The following ASB6 variants were observed in gnomAD, a reference collection of about 807,000 sequenced individuals.
The protein encoded by ASB6 is ankyrin repeat and SOCS box protein 6.
Under a neutral mutation model 28.6 loss-of-function variants are expected in ASB6, and 24 were observed. The ratio of observed to expected loss-of-function variants is 0.84; its 90% CI spans 0.61 to 1.18. The LOEUF is 1.18. Among genes scored for constraint, ASB6 ranks in the 50% most tolerant of loss-of-function variants. The pLI, the probability that ASB6 is intolerant of heterozygous loss-of-function variation, is 0.00. For missense variants in ASB6, 519 were observed against 559.8 expected (o/e 0.93, Z 0.74); for synonymous variants, 267 against 243.4 (o/e 1.10, Z -0.90).
In ASB6 at chr9:129,635,560, G is replaced by A. The variant is rs1831503616; in HGVS notation, c.*2230C>T. The A allele has an allele frequency of 7.1e-7, 1 of 1,406,144 alleles. No homozygotes were observed. The highest frequency in any genetic ancestry group is 1.4e-5 in the African/African-American group (1 of 70,178). 87.1% of individuals were successfully genotyped at this position (1,406,144 alleles called of 1,614,324 possible). A position where few individuals can be genotyped will look rare whatever the true frequency, so the allele number is the denominator to read the frequency against. On this transcript the variant is annotated 3_prime_UTR_variant, in exon 6 of 6. Coordinates refer to ENST00000277458, the MANE Select transcript of ASB6 (RefSeq NM_017873.4). ...GGCGCCACGCTGGCGGTTCGTGAGT[G>A]TCGAGGCACCACTAAATATAGCTGT...
Position 129,638,064 on chromosome 9 carries a change from T to A in ASB6, c.992A>T (p.Asp331Val), listed in dbSNP as rs573790742. 3.1e-6 allele frequency: 5 copies of A among 1,614,132 alleles called. No individual in the cohort carries two copies. In the South Asian group the frequency reaches 5.5e-5, roughly 18 times the overall value. The part of the protein sequence containing the change: ...DLLRKAETVL[D>V]LMVTNSQKLQ... ...TTTCTGAGAGTTGGTCACCATGAGA[T>A]CCAGGACAGTCTCAGCTTTGCGCAG... The change falls in exon 6 of 6, where the codon GAT becomes GTT. Residue 331 changes from aspartate to valine, a missense_variant. Asp to Val is a radical substitution (Grantham distance 152, BLOSUM62 -3). Coordinates refer to ENST00000277458, the MANE Select transcript of ASB6 (RefSeq NM_017873.4).
rs1210256895 is a variant in ASB6, at chr9:129,638,576, C to G, written c.595G>C (p.Gly199Arg). 4.3e-6 allele frequency: 7 copies of G among 1,613,862 alleles called. No individual in the cohort carries two copies. The highest frequency in any genetic ancestry group is 5.9e-6 in the Non-Finnish European group (7 of 1,179,936). Residue 199 changes from glycine to arginine, a missense_variant, in exon 5 of 6, where the codon GGA (glycine) becomes CGA (arginine). By Grantham distance (125) the Gly-to-Arg change is moderately radical. Coordinates refer to ENST00000277458, the MANE Select transcript of ASB6 (RefSeq NM_017873.4). ...NTENIRLLLE[G>R]GADVKATTKD... ...CCTAGGAGCGCGCCAGCCTCACCTC[C>G]TTCCAGTAAGAGACGAATGTTCTCA...
rs569247793 is a variant in ASB6 at position 129,638,325 on chromosome 9, C to T, written c.731G>A (p.Arg244Gln). The change falls in exon 6 of 6, where the codon CGG becomes CAG. Residue 244 changes from arginine (R) to glutamine (Q), a missense_variant. Coordinates refer to ENST00000277458, the MANE Select transcript of ASB6 (RefSeq NM_017873.4). The part of the protein sequence containing the change: ...MINRFCFQVT[R>Q]LLLAHGADPS... Reference sequence around the variant, plus strand: ...GTCGGCCCCGTGTGCCAGCAGCAGCCGTGTGACTTGGAAGCAGAAGCGGTT... The same window carrying T: ...GTCGGCCCCGTGTGCCAGCAGCAGCTGTGTGACTTGGAAGCAGAAGCGGTT... 82 of 1,612,886 alleles carry T rather than the reference C, an allele frequency of 5.1e-5. No homozygotes were observed. The highest frequency in any genetic ancestry group is 1.6e-4 in the Middle Eastern group (1 of 6,062).
At chr9:129,640,904 G>T (rs1186988737) in intron 1 of ASB6, among the ~76,000 whole-genome samples, 182 bp from the exon 2 acceptor site, 2 of 152,166 alleles carry the variant, frequency 1.3e-5, no homozygotes, top group Admixed American at 1.3e-4. Context: ...CTCTTAATAC[G>T]GGAGCAGACT....
Position 129,635,064 on chromosome 9 carries a change from C to T in ASB6, c.*2726G>A, listed in dbSNP as rs1831449733. The T allele has an allele frequency of 1.2e-5, 11 of 927,182 alleles. No homozygotes were observed. Among genetic ancestry groups the T allele is most frequent in the South Asian group, 9.7e-5 (6 of 61,648 alleles). The allele number at this position is 927,182 out of a possible 1,614,324, so 57.4% of individuals were successfully genotyped here. On this transcript the variant is annotated 3_prime_UTR_variant, in exon 6 of 6. Transcript: ENST00000277458. The stretch of plus-strand genomic sequence containing the variant: ...ATGAATTGGGGTTTAGTAAATCTCT[C>T]GGGACTGAGAGCCAATGAGGCCATG...
chr9:129,640,415 C>T (rs1057017229), intron 2 of ASB6, 126 bp downstream of exon 2: 4 of 1,330,822 alleles, frequency 3.0e-6, no homozygotes, highest in Non-Finnish European at 4.0e-6. Context: ...GTTGCAGCCA[C>T]CCAGGAAATA....
chr9:129,635,793 C>T lies in ASB6; in HGVS notation c.*1997G>A, dbSNP rs2270402. 12 of 252,394 alleles carry T rather than the reference C, an allele frequency of 4.8e-5. No individual in the cohort carries two copies. Among genetic ancestry groups the T allele is most frequent in the Admixed American group, 2.6e-4 (5 of 19,194 alleles). 15.6% of individuals were successfully genotyped at this position (252,394 alleles called of 1,614,324 possible). On this transcript the variant is annotated 3_prime_UTR_variant, in exon 6 of 6. Coordinates refer to ENST00000277458, the MANE Select transcript of ASB6 (RefSeq NM_017873.4). ...TAACCGATTCCCTGGGCCTCCAGCC[C>T]GGCCTTCCAGCCATGGGCCTGGCTG...
rs776545809 is a variant in ASB6 at position 129,639,240 on chromosome 9, A to C, written c.473T>G (p.Leu158Arg). ...PERLPCLQRL[L>R]DLGADVNAAD... ...GGCATTGACATCAGCTCCAAGGTCC[A>C]GGAGGCGCTGCAGGCAGGGCAGGCG... The change falls in exon 4 of 6, where the codon CTG (leucine) becomes CGG (arginine). Residue 158 changes from leucine (L) to arginine (R), a missense_variant. Coordinates refer to ENST00000277458, the MANE Select transcript of ASB6 (RefSeq NM_017873.4). 61 of 1,612,066 alleles carry C rather than the reference A, an allele frequency of 3.8e-5. No homozygotes were observed. The highest frequency in any genetic ancestry group is 4.8e-5 in the Non-Finnish European group (57 of 1,179,574).
chr9:129,641,671 G>GCCCTCGGA (rs1199352919), intron 1 of ASB6, among the ~76,000 whole-genome samples: 1 of 8,772 alleles, frequency 1.1e-4, no homozygotes, highest in African/African-American at 5.1e-4. Flanking sequence ...GCGGGCCTCC[G>GCCCTCGGA]CCCTCGGGCC....
rs1831568045 is a variant in ASB6, at chr9:129,636,836, G to A, written c.*954C>T. 6.6e-6 allele frequency: 1 copy of A among 152,190 alleles called. No homozygotes were observed. The highest frequency in any genetic ancestry group is 2.4e-5 in the African/African-American group (1 of 41,406). 9.4% of individuals were successfully genotyped at this position (152,190 alleles called of 1,614,324 possible). Reference sequence around the variant, plus strand: ...CCCACTTCCTTACCGGCTGCTGTGGGAGCCTCTATCCTGAACTATGGAGGG... The same window carrying A: ...CCCACTTCCTTACCGGCTGCTGTGGAAGCCTCTATCCTGAACTATGGAGGG... On this transcript the variant is annotated 3_prime_UTR_variant, in exon 6 of 6. Coordinates refer to ENST00000277458, the MANE Select transcript of ASB6 (RefSeq NM_017873.4).
rs1258752123 is a variant in ASB6 at position 129,637,124 on chromosome 9, G to A, written c.*666C>T. On this transcript the variant is annotated 3_prime_UTR_variant, in exon 6 of 6. Transcript: ENST00000277458. Reference sequence around the variant, plus strand: ...GCCACGCACTCATGATTGCTTTTTAGCAGAAGTCATGGTCGCTGAGGCCCT... The same window carrying A: ...GCCACGCACTCATGATTGCTTTTTAACAGAAGTCATGGTCGCTGAGGCCCT... 1 of 152,202 alleles carries A rather than the reference G, an allele frequency of 6.6e-6. No individual in the cohort carries two copies. The highest frequency in any genetic ancestry group is 1.5e-5 in the Non-Finnish European group (1 of 68,048). The allele number at this position is 152,202 out of a possible 1,614,324, so 9.4% of individuals were successfully genotyped here.
In ASB6 at chr9:129,642,131, C is replaced by T; in HGVS notation, c.-132G>A. On this transcript the variant is annotated 5_prime_UTR_variant, in exon 1 of 6. Coordinates refer to ENST00000277458, the MANE Select transcript of ASB6 (RefSeq NM_017873.4). This position sits in a 1 kb window ranked among gnomAD's most constrained non-coding sequence, Gnocchi z 4.3. ...GTCCAGCCCCTGCGCCCGGCCGGGT[C>T]CGCTCCTCAGTCCAAGCCGCGCCCC... The T allele has an allele frequency of 4.5e-6, 6 of 1,335,692 alleles. No individual in the cohort carries two copies. The South Asian group carries it at 8.9e-5, about 20-fold the overall frequency. 82.7% of individuals were successfully genotyped at this position (1,335,692 alleles called of 1,614,324 possible).
Position 129,638,242 on chromosome 9 carries a change from G to C in ASB6, c.814C>G (p.Leu272Val). 1 of 1,613,538 alleles carries C rather than the reference G, an allele frequency of 6.2e-7. No homozygotes were observed. The highest frequency in any genetic ancestry group is 8.5e-7 in the Non-Finnish European group (1 of 1,179,928). The change falls in exon 6 of 6, where the codon CTG (leucine) becomes GTG (valine). Residue 272 changes from leucine to valine, a missense_variant. By Grantham distance (32) the Leu-to-Val change is conservative. Transcript: ENST00000277458. ...LTHICLKSFKLHFPLLRFLLE... is the reference protein window; with the variant it reads ...LTHICLKSFKVHFPLLRFLLE... Reference sequence around the variant, plus strand: ...AGGAAGCGCAGGAGAGGGAAGTGCAGTTTAAAGCTCTTCAGGCAGATGTGG... The same window carrying C: ...AGGAAGCGCAGGAGAGGGAAGTGCACTTTAAAGCTCTTCAGGCAGATGTGG...
In ASB6 at chr9:129,635,813, T is replaced by C; in HGVS notation, c.*1977A>G. The C allele has an allele frequency of 8.1e-6, 2 of 246,888 alleles. No homozygotes were observed. Among genetic ancestry groups the C allele is most frequent in the Non-Finnish European group, 7.9e-6 (1 of 126,422 alleles). 15.3% of individuals were successfully genotyped at this position (246,888 alleles called of 1,614,324 possible). A position where few individuals can be genotyped will look rare whatever the true frequency, so the allele number is the denominator to read the frequency against. On this transcript the variant is annotated 3_prime_UTR_variant, in exon 6 of 6. Transcript: ENST00000277458. ...CAGCCCGGCCTTCCAGCCATGGGCC[T>C]GGCTGCCTGAAGAGGAAGGAAACCA...
rs909589631 is a variant in ASB6 at position 129,637,655 on chromosome 9, C to G, written c.*135G>C. 3 of 911,828 alleles carry G rather than the reference C, an allele frequency of 3.3e-6. No homozygotes were observed. Among genetic ancestry groups the G allele is most frequent in the African/African-American group, 1.7e-5 (1 of 59,698 alleles). 56.5% of individuals were successfully genotyped at this position (911,828 alleles called of 1,614,324 possible). ...GGAGTGATCACAGCTTCAGGCTCTA[C>G]CTGGCTGGCTTTTCTCATGAAGGAT... is the stretch of plus-strand genomic sequence containing the variant. On this transcript the variant is annotated 3_prime_UTR_variant, in exon 6 of 6. Transcript: ENST00000277458.
In ASB6 at chr9:129,635,582, C is replaced by A; in HGVS notation, c.*2208G>T. The A allele has an allele frequency of 8.2e-7, 1 of 1,226,654 alleles. No homozygotes were observed. The highest frequency in any genetic ancestry group is 1.1e-6 in the Non-Finnish European group (1 of 879,760). 76.0% of individuals were successfully genotyped at this position (1,226,654 alleles called of 1,614,324 possible). On this transcript the variant is annotated 3_prime_UTR_variant, in exon 6 of 6. Transcript: ENST00000277458. ...AGTGTCGAGGCACCACTAAATATAGCTGTCTGCCGTCCACTCATTATGCGG... is the reference window on the plus strand; with the variant it reads ...AGTGTCGAGGCACCACTAAATATAGATGTCTGCCGTCCACTCATTATGCGG...
At position 129,638,496 on chromosome 9, in the gene ASB6, C is replaced by G. The variant is rs751396578; in HGVS notation, c.599-39G>C. 14 of 1,609,160 alleles carry G rather than the reference C, an allele frequency of 8.7e-6. No homozygotes were observed. The South Asian group carries it at 1.5e-4, about 18-fold the overall frequency. On this transcript the variant is annotated intron_variant, in intron 5 of 5. Transcript: ENST00000277458. ...AGAACAAGAGATGCTGGGAGAAGGCCTTCAACCCTGGCAAAGCAACAGCAC... is the reference window on the plus strand; with the variant it reads ...AGAACAAGAGATGCTGGGAGAAGGCGTTCAACCCTGGCAAAGCAACAGCAC...
In ASB6 at chr9:129,638,595, G is replaced by A; in HGVS notation, c.576C>T (p.Asn192=). 7 of 1,614,010 alleles carry A rather than the reference G, an allele frequency of 4.3e-6. No homozygotes were observed. The highest frequency in any genetic ancestry group is 5.9e-6 in the Non-Finnish European group (7 of 1,179,958). ...SDGVQIHNTE[N]IRLLLEGGAD... ...CACCTCCTTCCAGTAAGAGACGAAT[G>A]TTCTCAGTATTGTGGATCTGCACCC... Residue 192 remains asparagine (N), a synonymous_variant, in exon 5 of 6, where the codon AAC becomes AAT. Coordinates refer to ENST00000277458, the MANE Select transcript of ASB6 (RefSeq NM_017873.4).
At position 129,636,812 on chromosome 9, in the gene ASB6, C is replaced by T. The variant is rs987986578; in HGVS notation, c.*978G>A. On this transcript the variant is annotated 3_prime_UTR_variant, in exon 6 of 6. Transcript: ENST00000277458. ...CACAGCATCCCCTCACACCTGCCAC[C>T]CACTTCCTTACCGGCTGCTGTGGGA... is the stretch of plus-strand genomic sequence containing the variant. The T allele has an allele frequency of 6.6e-6, 1 of 152,252 alleles. No homozygotes were observed. Among genetic ancestry groups the T allele is most frequent in the East Asian group, 1.9e-4 (1 of 5,202 alleles). The allele number at this position is 152,252 out of a possible 1,614,324, so 9.4% of individuals were successfully genotyped here. A position where few individuals can be genotyped will look rare whatever the true frequency, so the allele number is the denominator to read the frequency against.
Sources: allele counts gnomAD v4.1 joint callset (sites outside exome capture counted in the v4.1 genomes callset), GRCh38; gene constraint gnomAD v4.1.1; non-coding constraint Gnocchi (gnomAD v3.1); transcripts MANE v1.5; gene names NCBI Gene and HGNC (gene_info 2026-07-23, HGNC 2026-07-21).